Variants in BABAM2 observed in about 807,000 individuals in gnomAD.
The protein encoded by BABAM2 is BRISC and BRCA1 A complex member 2, also known as BRISC and BRCA1-A complex member 2.
A neutral mutation model predicts 54.7 loss-of-function variants in BABAM2; 31 were observed. The observed-to-expected ratio is 0.57, with a 90% confidence interval of 0.43 to 0.77. BABAM2 has a LOEUF of 0.77. Ranked by LOEUF, BABAM2 falls within the 30% of genes least tolerant of loss-of-function variation. BABAM2 has a pLI of 0.00. For synonymous variants in BABAM2, 167 were observed against 162.9 expected (o/e 1.03, Z -0.19); for missense variants, 364 against 455.8 (o/e 0.80, Z 1.83).
At chr2:27,997,482 A>G (rs1477048784) in intron 4 of BABAM2, among the ~76,000 whole-genome samples, 1 of 152,180 alleles carries the variant, frequency 6.6e-6, no homozygotes, top group East Asian at 1.9e-4. Flanking sequence ...CAGTAGAAGA[A>G]CCCTGGTTCA....
chr2:28,219,955 T>C (rs772440055), intron 7 of BABAM2, among the ~76,000 whole-genome samples: 5 of 152,054 alleles, frequency 3.3e-5, no homozygotes, highest in Non-Finnish European at 5.9e-5. Context: ...ACTGGATGAG[T>C]TGTGGCTCAG....
At chr2:27,926,364 A>T (rs1255847634) in intron 2 of BABAM2, among the ~76,000 whole-genome samples, 4 of 152,016 alleles carry the variant, frequency 2.6e-5, no homozygotes, top group Non-Finnish European at 4.4e-5. Context: ...TTGCCCAGAT[A>T]TATCAAGATT....
At chr2:28,048,600 G>A (rs1303154460) in intron 6 of BABAM2, among the ~76,000 whole-genome samples, 1 of 152,126 alleles carries the variant, frequency 6.6e-6, no homozygotes, top group Admixed American at 6.6e-5. Context: ...CTTCTTCTGT[G>A]GTCTGTATAG....
intron 4 of BABAM2, among the ~76,000 whole-genome samples, chr2:28,005,173 A>G (rs1673868977): frequency 6.6e-6 from 1 of 152,196 alleles, no homozygotes; most frequent in Admixed American, 6.5e-5. Context: ...GAATAGAAAT[A>G]CTTTTGGAAT....
At chr2:27,983,336 A>G (rs1672155525) in intron 3 of BABAM2, among the ~76,000 whole-genome samples, 1 of 152,092 alleles carries the variant, frequency 6.6e-6, no homozygotes. Context: ...CTGTATTCCT[A>G]TCCATATTCC....
At chr2:27,997,565 A>G (rs1445541114) in intron 4 of BABAM2, among the ~76,000 whole-genome samples, 1 of 152,258 alleles carries the variant, frequency 6.6e-6, no homozygotes, top group Non-Finnish European at 1.5e-5. Context: ...TAAGAAGAGT[A>G]TTAATATATA....
intron 7 of BABAM2, among the ~76,000 whole-genome samples, chr2:28,195,559 CT>C (rs1054149936): frequency 1.3e-5 from 2 of 152,160 alleles, no homozygotes; most frequent in Non-Finnish European, 2.9e-5. Context: ...GGTTTCCATC[CT>C]TTTGGGTGGA....
chr2:28,016,504 T>C, intron 4 of BABAM2: 1 of 952,496 alleles, frequency 1.0e-6, no homozygotes, highest in South Asian at 1.3e-5. Context: ...GAGCACACAG[T>C]CGCACGCCGA....
chr2:28,309,893 G>T (rs1347778056), intron 11 of BABAM2: 9 of 582,408 alleles, frequency 1.5e-5, no homozygotes, highest in Non-Finnish European at 2.5e-5. Context: ...AGGAATTGGG[G>T]ACTGAGGTCA....
At chr2:27,889,731 A>G (rs1382188073), upstream of BABAM2, among the ~76,000 whole-genome samples, 1 of 152,262 alleles carries the variant, frequency 6.6e-6, no homozygotes, top group Non-Finnish European at 1.5e-5. Flanking sequence ...AATGCCGACA[A>G]TCAACATGGT....
intron 2 of BABAM2, chr2:27,896,839 G>T: frequency 9.3e-6 from 2 of 214,422 alleles, no homozygotes; most frequent in South Asian, 5.8e-5. Context: ...AGCTGGGTCC[G>T]CCATTGCTTC....
intron 11 of BABAM2, among the ~76,000 whole-genome samples, chr2:28,318,949 G>A (rs1689796770): frequency 6.6e-6 from 1 of 152,204 alleles, no homozygotes; most frequent in Admixed American, 6.5e-5. Context: ...TCACCCCTGG[G>A]CTGTCTGTGT....
chr2:28,161,570 C>G (rs1410376985), intron 7 of BABAM2, among the ~76,000 whole-genome samples: 1 of 152,172 alleles, frequency 6.6e-6, no homozygotes, highest in African/African-American at 2.4e-5. Context: ...AGAACCCAAA[C>G]TCTTCCCCTT....
At chr2:27,904,553 G>A (rs1017793441) in intron 2 of BABAM2, among the ~76,000 whole-genome samples, 1 of 152,150 alleles carries the variant, frequency 6.6e-6, no homozygotes, top group African/African-American at 2.4e-5. Flanking sequence ...TGTTAGAGAT[G>A]CATTCTTTAA....
At chr2:28,194,272 G>A (rs1677257080) in intron 7 of BABAM2, among the ~76,000 whole-genome samples, 1 of 152,060 alleles carries the variant, frequency 6.6e-6, no homozygotes, top group African/African-American at 2.4e-5. Flanking sequence ...TTTTAAGCAG[G>A]AAATCAACAT....
chr2:28,101,887 T>G (rs920152328), intron 6 of BABAM2, among the ~76,000 whole-genome samples: 2 of 152,208 alleles, frequency 1.3e-5, no homozygotes, highest in East Asian at 3.8e-4. Context: ...TTACCCACAC[T>G]TACTGAATCA....
At chr2:27,900,400 T>C (rs1665687964) in intron 2 of BABAM2, among the ~76,000 whole-genome samples, 1 of 151,772 alleles carries the variant, frequency 6.6e-6, no homozygotes, top group Non-Finnish European at 1.5e-5. Context: ...AATTCATATA[T>C]ATTTCTCTTA....
chr2:28,307,155 C>T (rs1305793883), intron 11 of BABAM2, among the ~76,000 whole-genome samples: 7 of 151,082 alleles, frequency 4.6e-5, no homozygotes, highest in South Asian at 4.2e-4. Flanking sequence ...TATAGGCGCA[C>T]ACCACCACAC....
chr2:28,159,242 AT>A lies in BABAM2; in HGVS notation c.680+29864del, dbSNP rs1672826055. Reference sequence around the variant, plus strand: ...TCAGGATGGGAGGTTATGGAATAAGATTGAAGATGTCCGACACTCAAGAAGA... The same window carrying A: ...TCAGGATGGGAGGTTATGGAATAAGATGAAGATGTCCGACACTCAAGAAGA... On this transcript the variant is annotated intron_variant, in intron 7 of 11. Coordinates refer to ENST00000379624, the MANE Select transcript of BABAM2 (RefSeq NM_199191.3). Among the ~76,000 whole-genome samples the A allele has an allele frequency of 4.6e-5, 7 of 152,286 alleles. No individual in the cohort carries two copies. In the South Asian group the frequency reaches 1.5e-3, roughly 32 times the overall value.
Sources: allele counts gnomAD v4.1 joint callset (sites outside exome capture counted in the v4.1 genomes callset), GRCh38; gene constraint gnomAD v4.1.1; transcripts MANE v1.5; gene names NCBI Gene and HGNC (gene_info 2026-07-23, HGNC 2026-07-21).